The following HELLS variants were observed in gnomAD, a reference collection of about 807,000 sequenced individuals.
HELLS encodes the protein lymphoid-specific helicase.
HELLS carries 32 observed loss-of-function variants against 120.0 expected under a neutral mutation model. That is an observed-to-expected ratio of 0.27 (90% CI 0.20 to 0.36). The LOEUF (loss-of-function observed/expected upper bound fraction) is 0.36. Ranked by LOEUF, HELLS falls within the 10% of genes least tolerant of loss-of-function variation. The pLI is 1.00. For missense variants in HELLS, 650 were observed against 993.4 expected (o/e 0.65, Z 4.65); for synonymous variants, 341 against 323.4 (o/e 1.05, Z -0.58).
At chr10:94,550,038 A>T (rs367749357) in intron 2 of HELLS, among the ~76,000 whole-genome samples, 1 of 152,140 alleles carries the variant, frequency 6.6e-6, no homozygotes, top group East Asian at 1.9e-4. Context: ...CTCCTGCCTC[A>T]GCCTCCTGAG....
downstream of HELLS, among the ~76,000 whole-genome samples, chr10:94,603,271 A>T (rs1483978098): frequency 6.6e-6 from 1 of 152,116 alleles, no homozygotes; most frequent in African/African-American, 2.4e-5. Flanking sequence ...TTCCAATCAG[A>T]TATTCATTTC....
At position 94,593,137 on chromosome 10, in the gene HELLS, T is replaced by C. The variant is rs575671148; in HGVS notation, c.1972-362T>C. 3.3e-5 allele frequency among the ~76,000 whole-genome samples: 5 copies of C among 152,346 alleles called. No individual in the cohort carries two copies. The South Asian group carries it at 8.3e-4, about 25-fold the overall frequency. ...TTTATACCTAACCCCTATTAAGATA[T>C]AGAATGTTACCATCAGCCCAGAAAG... On this transcript the variant is annotated intron_variant, in intron 17 of 21. Transcript: ENST00000348459.
At chr10:94,597,207 A>C in intron 21 of HELLS, 96 bp downstream of exon 21, 1 of 649,652 alleles carries the variant, frequency 1.5e-6, no homozygotes, top group Non-Finnish European at 2.7e-6. Flanking sequence ...AGCCACATGT[A>C]TCCAATCTTG....
At chr10:94,571,176 G>T in intron 6 of HELLS, 1 of 409,654 alleles carries the variant, frequency 2.4e-6, no homozygotes, top group Non-Finnish European at 4.4e-6. Flanking sequence ...ATATCCCATT[G>T]TATAAGTGTT....
downstream of HELLS, among the ~76,000 whole-genome samples, chr10:94,602,888 G>A (rs569992530): frequency 1.1e-3 from 160 of 152,218 alleles, no homozygotes; most frequent in African/African-American, 3.6e-3. Flanking sequence ...CTTGAAACTC[G>A]TGATCTTGTC....
At position 94,563,363 on chromosome 10, in the gene HELLS, C is replaced by T. The variant is rs1359262024; in HGVS notation, c.435+487C>T. 3.3e-5 allele frequency among the ~76,000 whole-genome samples: 5 copies of T among 152,142 alleles called. No individual in the cohort carries two copies. The East Asian group carries it at 9.7e-4, about 29-fold the overall frequency. On this transcript the variant is annotated intron_variant, in intron 6 of 21. Transcript: ENST00000348459. ...CGCCCGCCTCGGTCTCCTAAAATGC[C>T]ACATTACAGGCGTGAGCCATTGCGC...
chr10:94,611,382 A>G (rs180701807), exon 10 of HELLS: 18 of 152,340 alleles, frequency 1.2e-4, no homozygotes, highest in Admixed American at 9.1e-4. Flanking sequence ...TTAATGTTCA[A>G]TAACTCAAAG....
chr10:94,608,813 G>GT (rs962601331), intron 9 of HELLS, among the ~76,000 whole-genome samples: 6 of 151,670 alleles, frequency 4.0e-5, no homozygotes, highest in Non-Finnish European at 7.4e-5. Context: ...GAATTGAGGT[G>GT]TTTTTTTAAA....
chr10:94,561,872 C>A (rs79685181), intron 4 of HELLS, among the ~76,000 whole-genome samples: 1 of 142,024 alleles, frequency 7.0e-6, no homozygotes, highest in Non-Finnish European at 1.5e-5. Context: ...GTATGAATTT[C>A]ATTCACAATG....
downstream of HELLS, among the ~76,000 whole-genome samples, chr10:94,604,974 T>G (rs959568698): frequency 6.6e-6 from 1 of 151,692 alleles, no homozygotes; most frequent in African/African-American, 2.4e-5. Flanking sequence ...GTTTGGACTG[T>G]AGAACTGATT....
chr10:94,562,587 C>G (rs868009906), intron 4 of HELLS, 104 bp from the exon 5 acceptor site: 2 of 744,100 alleles, frequency 2.7e-6, no homozygotes, highest in Middle Eastern at 7.4e-4. Context: ...GGATGTGGCT[C>G]AATTGCAGGA....
intron 6 of HELLS, among the ~76,000 whole-genome samples, chr10:94,566,019 A>G (rs530423360): frequency 1.2e-4 from 18 of 152,002 alleles, no homozygotes; most frequent in African/African-American, 3.1e-4. Context: ...CACACTCCCC[A>G]GTAGCAGGGA....
chr10:94,568,495 T>G (rs946441042), intron 6 of HELLS, among the ~76,000 whole-genome samples: 2 of 152,178 alleles, frequency 1.3e-5, no homozygotes, highest in African/African-American at 4.8e-5. Flanking sequence ...GTCATTTCAT[T>G]TGCTGCTACT....
At chr10:94,554,079 G>C in intron 2 of HELLS, 47 bp from the exon 3 acceptor site, 2 of 1,463,454 alleles carry the variant, frequency 1.4e-6, no homozygotes, top group Non-Finnish European at 1.8e-6. Context: ...AAAAATTAAG[G>C]TATGTCAGAA....
chr10:94,573,076 C>T (rs1238043430), intron 7 of HELLS, among the ~76,000 whole-genome samples: 1 of 152,130 alleles, frequency 6.6e-6, no homozygotes, highest in African/African-American at 2.4e-5. Context: ...TCTCCTGCCT[C>T]AGCCTCCCAA....
intron 9 of HELLS, 75 bp from the exon 10 acceptor site, chr10:94,576,587 G>T: frequency 2.7e-6 from 2 of 753,800 alleles, no homozygotes; most frequent in South Asian, 8.1e-5. Context: ...CCCTCAGAAT[G>T]ATTTATATTT....
chr10:94,550,139 C>T (rs1452511612), intron 2 of HELLS, among the ~76,000 whole-genome samples: 3 of 152,036 alleles, frequency 2.0e-5, no homozygotes, highest in Admixed American at 6.6e-5. Context: ...AGGCTGGTCT[C>T]GAACTCCCAA....
At chr10:94,554,701 G>A (rs1843165876) in intron 3 of HELLS, among the ~76,000 whole-genome samples, 1 of 145,994 alleles carries the variant, frequency 6.8e-6, no homozygotes, top group South Asian at 2.2e-4. Flanking sequence ...GCTGCCCTTA[G>A]GTAGCTTCAG....
At chr10:94,572,056 A>C (rs1257233299) in intron 7 of HELLS, among the ~76,000 whole-genome samples, 1 of 152,198 alleles carries the variant, frequency 6.6e-6, no homozygotes, top group Non-Finnish European at 1.5e-5. Context: ...AATGAGAGAT[A>C]ATCTATTTGG....
Sources: gnomAD v4.1 joint callset for allele counts (sites outside exome capture counted in the v4.1 genomes callset) on GRCh38, gnomAD v4.1.1 for gene constraint, MANE v1.5 for transcripts, NCBI Gene and HGNC (gene_info 2026-07-23, HGNC 2026-07-21) for gene names.